CAMK2D: variants seen among roughly 807,000 people sequenced by gnomAD.
CAMK2D encodes the protein calcium/calmodulin-dependent protein kinase type II subunit delta.
In CAMK2D, 37 loss-of-function variants were observed where a neutral mutation model predicts 84.0. The ratio of observed to expected loss-of-function variants is 0.44; its 90% confidence interval spans 0.34 to 0.58. CAMK2D has a LOEUF of 0.58. Ranked by LOEUF, CAMK2D falls within the 20% of genes least tolerant of loss-of-function variation. The pLI is 0.02. For missense variants in CAMK2D, 448 were observed against 652.5 expected, an observed-to-expected ratio of 0.69 and a Z score of 3.41; for synonymous variants, 202 against 212.5, an observed-to-expected ratio of 0.95 and a Z score of 0.43.
chr4:113,471,276 A>G (rs1034264285), intron 16 of CAMK2D, among the ~76,000 whole-genome samples: 3 of 152,070 alleles, frequency 2.0e-5, no homozygotes, highest in African/African-American at 7.2e-5. Context: ...CCCAGGATAC[A>G]TCCTTAGCCT....
At chr4:113,609,256 C>T (rs1317225272) in intron 3 of CAMK2D, 50 bp from the exon 4 acceptor site, 1 of 923,818 alleles carries the variant, frequency 1.1e-6, no homozygotes, top group African/African-American at 1.6e-5. Flanking sequence ...TTCCAACGAT[C>T]AACGTTAAAC....
In CAMK2D at chr4:113,697,893, G is replaced by T. The variant is rs1001579110; in HGVS notation, c.161-36121C>A. Among the ~76,000 whole-genome samples the T allele has an allele frequency of 7.9e-5, 12 of 152,136 alleles. 1 individual carries two copies. In the East Asian group the frequency reaches 2.1e-3, roughly 27 times the overall value. On this transcript the variant is annotated intron_variant, in intron 2 of 20. Coordinates refer to ENST00000511664, the MANE Select transcript of CAMK2D (RefSeq NM_001321571.2). ...CTTCCTTTCTGCTCACAAAACTAGC[G>T]AGTCACAATGTTTACTCTTCTGGAT... is the stretch of plus-strand genomic sequence containing the variant.
At chr4:113,598,542 AAAACTT>A (rs2154257901) in intron 4 of CAMK2D, among the ~76,000 whole-genome samples, 1 of 152,350 alleles carries the variant, frequency 6.6e-6, no homozygotes, top group African/African-American at 2.4e-5. Flanking sequence ...GATAAGCTTA[AAAACTT>A]AAACTTAAAA....
chr4:113,575,966 T>C (rs1249723040), intron 4 of CAMK2D, among the ~76,000 whole-genome samples: 3 of 152,162 alleles, frequency 2.0e-5, no homozygotes, highest in Admixed American at 1.3e-4. Context: ...AAGAGAAGCC[T>C]CACATATTTT....
chr4:113,543,768 G>GTTTGTTTATTTATTTATTTA (rs779428790), intron 6 of CAMK2D, among the ~76,000 whole-genome samples: 1 of 146,602 alleles, frequency 6.8e-6, no homozygotes, highest in African/African-American at 2.5e-5. Context: ...TATCTATCAA[G>GTTTGTTTATTTATTTATTTA]TTTATTTATT....
intron 3 of CAMK2D, among the ~76,000 whole-genome samples, chr4:113,624,646 T>C (rs761366230): frequency 6.6e-5 from 10 of 152,174 alleles, no homozygotes; most frequent in Admixed American, 2.0e-4. Flanking sequence ...TGGTGGTGTA[T>C]TTCTGGTCTC....
At chr4:113,581,513 T>TAA (rs777730996) in intron 4 of CAMK2D, among the ~76,000 whole-genome samples, 7 of 34,316 alleles carry the variant, frequency 2.0e-4, no homozygotes, top group South Asian at 1.2e-3. Flanking sequence ...AACTTTCTCA[T>TAA]AAAAAAAAAA....
chr4:113,716,541 C>G (rs1409110846), intron 2 of CAMK2D, among the ~76,000 whole-genome samples: 1 of 150,782 alleles, frequency 6.6e-6, no homozygotes, highest in African/African-American at 2.4e-5. Context: ...GTCCCAGTTA[C>G]TCTGGAGGCT....
At position 113,702,552 on chromosome 4, in the gene CAMK2D, AT is replaced by A. The variant is rs112122555; in HGVS notation, c.161-40781del. On this transcript the variant is annotated intron_variant, in intron 2 of 20. Transcript: ENST00000511664. Reference sequence around the variant, plus strand: ...TAGCCACATTTCAAAAAGCAAAAAAATATATAATTTTAATGGTATATTGTAT... The same window carrying A: ...TAGCCACATTTCAAAAAGCAAAAAAAATATAATTTTAATGGTATATTGTAT... Among the ~76,000 whole-genome samples, 174 of 152,296 alleles carry A rather than the reference AT, an allele frequency of 1.1e-3. 1 individual carries two copies. Among genetic ancestry groups the A allele is most frequent in the African/African-American group, 3.7e-3 (154 of 41,570 alleles).
intron 16 of CAMK2D, among the ~76,000 whole-genome samples, chr4:113,492,663 T>TG (rs1564605341): frequency 6.6e-6 from 1 of 150,862 alleles, no homozygotes; most frequent in East Asian, 1.9e-4. Flanking sequence ...TAGGTCCACT[T>TG]GGTGCAGAGC....
chr4:113,508,921 A>G (rs760166232), intron 13 of CAMK2D, among the ~76,000 whole-genome samples: 15 of 152,234 alleles, frequency 9.9e-5, no homozygotes, highest in Non-Finnish European at 2.2e-4. Flanking sequence ...GAAATAAAAC[A>G]TTTAGGTGGT....
At chr4:113,627,154 A>T (rs1271978550) in intron 3 of CAMK2D, among the ~76,000 whole-genome samples, 1 of 152,178 alleles carries the variant, frequency 6.6e-6, no homozygotes, top group Non-Finnish European at 1.5e-5. Context: ...GCAGAGAAAA[A>T]ATACATTTGA....
rs537987470 is a variant in CAMK2D, at chr4:113,520,132, G to A, written c.602-2475C>T. ...AAGTGTTTGTTGTTCTAGGCCGGGC[G>A]TGGTGGCTCACACCTGTAATCCAAG... On this transcript the variant is annotated intron_variant, in intron 8 of 20. Transcript: ENST00000511664. 1.8e-4 allele frequency among the ~76,000 whole-genome samples: 27 copies of A among 151,504 alleles called. No homozygotes were observed. The South Asian group carries it at 5.2e-3, about 29-fold the overall frequency.
chr4:113,470,645 GAA>G (rs58054814), intron 16 of CAMK2D, among the ~76,000 whole-genome samples: 10 of 139,498 alleles, frequency 7.2e-5, no homozygotes, highest in African/African-American at 2.5e-4. Flanking sequence ...TCAAAAAAAA[GAA>G]AAAAAAAAAA....
chr4:113,551,922 G>C, intron 5 of CAMK2D, 109 bp downstream of exon 5: 1 of 495,956 alleles, frequency 2.0e-6, no homozygotes, highest in Admixed American at 3.5e-5. Flanking sequence ...AATCATCCCG[G>C]AGATCCTTAA....
chr4:113,500,422 A>T, intron 16 of CAMK2D, 41 bp downstream of exon 16: 1 of 1,272,682 alleles, frequency 7.9e-7, no homozygotes, highest in Non-Finnish European at 1.1e-6. Context: ...TATATATGTG[A>T]AGCTCTGAGG....
At chr4:113,743,972 C>A (rs1296294875) in intron 2 of CAMK2D, among the ~76,000 whole-genome samples, 1 of 152,066 alleles carries the variant, frequency 6.6e-6, no homozygotes, top group Non-Finnish European at 1.5e-5. Context: ...TCCTGAGTAG[C>A]TGGGACTACA....
intron 3 of CAMK2D, among the ~76,000 whole-genome samples, chr4:113,643,908 T>C (rs538168804): frequency 1.3e-5 from 2 of 152,342 alleles, no homozygotes; most frequent in African/African-American, 4.8e-5. Context: ...AGGCCAGCTT[T>C]ACAAGTGAAA....
chr4:113,736,934 T>C (rs1478338449), intron 2 of CAMK2D, among the ~76,000 whole-genome samples: 1 of 152,180 alleles, frequency 6.6e-6, no homozygotes, highest in African/African-American at 2.4e-5. Flanking sequence ...ATGCGCATTA[T>C]GAAGAATTCC....
Sources: allele counts gnomAD v4.1 joint callset (sites outside exome capture counted in the v4.1 genomes callset), GRCh38; gene constraint gnomAD v4.1.1; transcripts MANE v1.5; gene names NCBI Gene and HGNC (gene_info 2026-07-23, HGNC 2026-07-21).